Variants in NFATC3 observed in about 807,000 individuals in gnomAD.
The protein encoded by NFATC3 is nuclear factor of activated T cells 3.
Under a neutral mutation model 98.6 loss-of-function variants are expected in NFATC3, and 46 were observed. The observed-to-expected ratio is 0.47, with a 90% CI of 0.37 to 0.60. The LOEUF (loss-of-function observed/expected upper bound fraction) is 0.60, where lower values mean the gene tolerates loss of function less well. Ranked by LOEUF, NFATC3 falls within the 20% of genes least tolerant of loss-of-function variation. The pLI is 0.00. For synonymous variants in NFATC3, 512 were observed against 472.2 expected (o/e 1.08, Z -1.09); for missense variants, 1,256 against 1,295.5 (o/e 0.97, Z 0.47).
intron 3 of NFATC3, among the ~76,000 whole-genome samples, chr16:68,128,253 TTTATGA>T (rs1200224738): frequency 3.3e-5 from 5 of 152,142 alleles, no homozygotes; most frequent in African/African-American, 1.2e-4. Context: ...TGAGCTATGC[TTTATGA>T]TTATTATCTG....
intron 3 of NFATC3, among the ~76,000 whole-genome samples, chr16:68,151,287 G>T (rs2038306758): frequency 6.6e-6 from 1 of 152,076 alleles, no homozygotes; most frequent in African/African-American, 2.4e-5. Flanking sequence ...GACTATAGAA[G>T]ACACAGTGAA....
rs188103103 is a variant in NFATC3, at chr16:68,100,036, C to A, written c.103+14252C>A. On this transcript the variant is annotated intron_variant, in intron 1 of 9. Coordinates refer to ENST00000346183, the MANE Select transcript of NFATC3 (RefSeq NM_173165.3). Reference sequence around the variant, plus strand: ...TTGCCTGGCGATCCTTCCAAGTTGTCGAGTATATTAATAGTTTGTTCTGTT... The same window carrying A: ...TTGCCTGGCGATCCTTCCAAGTTGTAGAGTATATTAATAGTTTGTTCTGTT... Among the ~76,000 whole-genome samples the A allele has an allele frequency of 1.3e-3, 205 of 152,100 alleles. 1 individual carries two copies. The highest frequency in any genetic ancestry group is 2.6e-3 in the Admixed American group (40 of 15,268).
chr16:68,154,367 T>A (rs1013457205), intron 3 of NFATC3, among the ~76,000 whole-genome samples: 3 of 152,170 alleles, frequency 2.0e-5, no homozygotes, highest in Admixed American at 2.0e-4. Flanking sequence ...TTCATCCCTT[T>A]CCATTTCTAT....
intron 9 of NFATC3, among the ~76,000 whole-genome samples, chr16:68,208,865 A>C (rs2041258327): frequency 6.6e-6 from 1 of 152,182 alleles, no homozygotes; most frequent in Admixed American, 6.5e-5. Context: ...TGTTAGTGCT[A>C]ACATTTTTTT....
At chr16:68,099,607 A>AAAT (rs369467712) in intron 1 of NFATC3, among the ~76,000 whole-genome samples, 2,314 of 150,016 alleles carry the variant, frequency 0.015, 28 homozygotes, top group African/African-American at 0.023. Flanking sequence ...TCTCAAAATA[A>AAAT]AATAATAATA....
rs769595997 is a variant in NFATC3, at chr16:68,183,251, C to T, written c.1983C>T (p.Val661=). Residue 661 remains valine, a synonymous_variant, in exon 8 of 10, where the codon GTC becomes GTT. Coordinates refer to ENST00000346183, the MANE Select transcript of NFATC3 (RefSeq NM_173165.3). Reference sequence around the variant, plus strand: ...CTTTCCATCCTTAGGCTCACATTGTCCTTGAAGTTCCTCCATATCATAACC... The same window carrying T: ...CTTTCCATCCTTAGGCTCACATTGTTCTTGAAGTTCCTCCATATCATAACC... The part of the protein sequence containing the change: ...IREKCQGAHI[V]LEVPPYHNPA... The T allele has an allele frequency of 3.1e-6, 5 of 1,589,516 alleles. No homozygotes were observed. The highest frequency in any genetic ancestry group is 1.7e-4 in the Middle Eastern group (1 of 5,924).
At chr16:68,109,678 A>G (rs2035844076) in intron 1 of NFATC3, among the ~76,000 whole-genome samples, 1 of 152,174 alleles carries the variant, frequency 6.6e-6, no homozygotes, top group Non-Finnish European at 1.5e-5. Context: ...CCTCTGGTAG[A>G]ATTCAGCTGT....
intron 8 of NFATC3, 56 bp downstream of exon 8, chr16:68,183,422 T>G: frequency 6.3e-7 from 1 of 1,578,484 alleles, no homozygotes; most frequent in South Asian, 1.1e-5. Flanking sequence ...GAATAAAAAG[T>G]TATTTAACGA....
At chr16:68,143,415 A>AGT (rs2037863798) in intron 3 of NFATC3, among the ~76,000 whole-genome samples, 1 of 152,182 alleles carries the variant, frequency 6.6e-6, no homozygotes, top group African/African-American at 2.4e-5. Context: ...GACAAAGATG[A>AGT]GTATTCTTTA....
At chr16:68,110,484 G>T (rs950541267) in intron 1 of NFATC3, among the ~76,000 whole-genome samples, 2 of 150,430 alleles carry the variant, frequency 1.3e-5, no homozygotes, top group African/African-American at 4.9e-5. Flanking sequence ...AATTTTTTTT[G>T]TATTTTTTTT....
intron 5 of NFATC3, among the ~76,000 whole-genome samples, chr16:68,169,697 T>A (rs991293313): frequency 6.6e-6 from 1 of 152,156 alleles, no homozygotes; most frequent in Admixed American, 6.5e-5. Flanking sequence ...TCCCAGCACT[T>A]TGGGAGGCCA....
At chr16:68,108,426 A>G (rs1406611921) in intron 1 of NFATC3, among the ~76,000 whole-genome samples, 2 of 151,922 alleles carry the variant, frequency 1.3e-5, no homozygotes, top group Non-Finnish European at 2.9e-5. Context: ...GTTCTGTTTC[A>G]TTGGTCTTTG....
chr16:68,097,203 G>T (rs1317990590), intron 1 of NFATC3, among the ~76,000 whole-genome samples: 1 of 152,152 alleles, frequency 6.6e-6, no homozygotes, highest in African/African-American at 2.4e-5. Flanking sequence ...GGAGAAAGGT[G>T]ATTCATTTTA....
rs992843601 is a variant in NFATC3, at chr16:68,217,901, A to G, written c.3107-8449A>G. 8 of 1,225,804 alleles carry G rather than the reference A, an allele frequency of 6.5e-6. No homozygotes were observed. In the African/African-American group the frequency reaches 9.3e-5, roughly 14 times the overall value. The allele number at this position is 1,225,804 out of a possible 1,614,324, so 75.9% of individuals were successfully genotyped here. A position where few individuals can be genotyped will look rare whatever the true frequency, so the allele number is the denominator to read the frequency against. The stretch of plus-strand genomic sequence containing the variant: ...CTACACTGGGGAAGCCAGGAAATAT[A>G]CTCTGTAGCTGGGTGTCAGTGTGAC... On this transcript the variant is annotated intron_variant, in intron 9 of 9. Transcript: ENST00000346183.
At chr16:68,135,128 G>A (rs922462809) in intron 3 of NFATC3, among the ~76,000 whole-genome samples, 1 of 151,976 alleles carries the variant, frequency 6.6e-6, no homozygotes, top group Non-Finnish European at 1.5e-5. Context: ...CCTTCAGAGT[G>A]CACAAGTGAG....
At chr16:68,201,626 TG>T (rs1184252963) in intron 9 of NFATC3, among the ~76,000 whole-genome samples, 1 of 151,670 alleles carries the variant, frequency 6.6e-6, no homozygotes, top group Non-Finnish European at 1.5e-5. Flanking sequence ...TAATTGATAC[TG>T]TTTTTTTGTT....
intron 1 of NFATC3, among the ~76,000 whole-genome samples, chr16:68,104,721 T>G (rs1460055366): frequency 6.7e-6 from 1 of 149,784 alleles, no homozygotes; most frequent in Non-Finnish European, 1.5e-5. Context: ...GCGCGATCTC[T>G]GCTCACTGCA....
rs141028682 is a variant in NFATC3, at chr16:68,205,480, A to G, written c.3106+13705A>G. ...TGCTCAGGTTGGTCTCGGCCTCCCAAAGTGCTAGGATTACAGGCGTGAGCC... is the reference window on the plus strand; with the variant it reads ...TGCTCAGGTTGGTCTCGGCCTCCCAGAGTGCTAGGATTACAGGCGTGAGCC... On this transcript the variant is annotated intron_variant, in intron 9 of 9. Transcript: ENST00000346183. Among the ~76,000 whole-genome samples, 32 of 152,160 alleles carry G rather than the reference A, an allele frequency of 2.1e-4. No individual in the cohort carries two copies. In the East Asian group the frequency reaches 6.2e-3, roughly 29 times the overall value.
chr16:68,143,611 G>T (rs1484645525), intron 3 of NFATC3, among the ~76,000 whole-genome samples: 1 of 152,212 alleles, frequency 6.6e-6, no homozygotes, highest in Non-Finnish European at 1.5e-5. Flanking sequence ...CATTCTGGGA[G>T]ACTGAGGCGG....
Sources: allele counts gnomAD v4.1 joint callset (sites outside exome capture counted in the v4.1 genomes callset), GRCh38; gene constraint gnomAD v4.1.1; transcripts MANE v1.5; gene names NCBI Gene and HGNC (gene_info 2026-07-23, HGNC 2026-07-21).